IL1RAPL1: variants seen among roughly 807,000 people sequenced by gnomAD.
IL1RAPL1 encodes the protein interleukin 1 receptor accessory protein like 1.
Under a neutral mutation model 48.4 loss-of-function variants are expected in IL1RAPL1, and 3 were observed. The ratio of observed to expected loss-of-function variants is 0.06; its 90% CI spans 0.03 to 0.16. The LOEUF (loss-of-function observed/expected upper bound fraction) is 0.16. IL1RAPL1 is among the 10% of genes least tolerant of loss of function. The pLI is 1.00. For synonymous variants in IL1RAPL1, 185 were observed against 187.7 expected (o/e 0.99, Z 0.12); for missense variants, 349 against 530.6 (o/e 0.66, Z 3.36).
At chrX:28,953,687 A>G (rs753878172) in intron 2 of IL1RAPL1, among the ~76,000 whole-genome samples, 3 of 111,433 alleles carry the variant, frequency 2.7e-5, no homozygotes, top group African/African-American at 6.5e-5. Flanking sequence ...TTGCAAAAAA[A>G]CATGATATCA....
chrX:28,896,983 G>A (rs182167572), intron 2 of IL1RAPL1, among the ~76,000 whole-genome samples: 24 of 110,946 alleles, frequency 2.2e-4, no homozygotes, highest in African/African-American at 6.6e-4. Context: ...GGGGTCAAGC[G>A]GCATTGTAGA....
chrX:29,645,077 A>C (rs1479063160), intron 5 of IL1RAPL1, among the ~76,000 whole-genome samples: 2 of 113,025 alleles, frequency 1.8e-5, no homozygotes, highest in African/African-American at 6.4e-5. Context: ...TATTTTCCCC[A>C]GAGATGAGTG....
At chrX:28,878,687 G>A (rs969727872) in intron 2 of IL1RAPL1, among the ~76,000 whole-genome samples, 5 of 111,846 alleles carry the variant, frequency 4.5e-5, no homozygotes, top group African/African-American at 1.6e-4. Flanking sequence ...AGGAAAGACA[G>A]TAAGCCTCCA....
chrX:28,636,289 T>A (rs1311311027), intron 1 of IL1RAPL1, among the ~76,000 whole-genome samples: 2 of 112,355 alleles, frequency 1.8e-5, no homozygotes, highest in Non-Finnish European at 3.8e-5. Context: ...ATTCATTGAT[T>A]GCCTACTATA....
intron 5 of IL1RAPL1, among the ~76,000 whole-genome samples, chrX:29,435,841 T>A (rs1027522799): frequency 1.2e-4 from 13 of 110,613 alleles, no homozygotes; most frequent in African/African-American, 2.9e-4. Flanking sequence ...AATAGTTTTT[T>A]AAAAATTGTA....
intron 5 of IL1RAPL1, among the ~76,000 whole-genome samples, chrX:29,613,547 A>G (rs1046859423): frequency 1.8e-5 from 2 of 111,115 alleles, no homozygotes; most frequent in Admixed American, 1.9e-4. Flanking sequence ...GACTCTTGCC[A>G]TGAACTATTT....
At chrX:29,300,759 T>C (rs1388697397) in intron 3 of IL1RAPL1, among the ~76,000 whole-genome samples, 2 of 112,320 alleles carry the variant, frequency 1.8e-5, no homozygotes, top group African/African-American at 3.2e-5. Context: ...CAAGGAATTA[T>C]ACTTCTAATG....
intron 5 of IL1RAPL1, among the ~76,000 whole-genome samples, chrX:29,452,899 T>A: frequency 9.5e-6 from 1 of 104,878 alleles, no homozygotes; most frequent in Non-Finnish European, 1.9e-5. Context: ...AGAGTGTTCC[T>A]CTGAGAGTGA....
At chrX:29,566,093 C>T (rs6526883) in intron 5 of IL1RAPL1, among the ~76,000 whole-genome samples, 7,274 of 110,237 alleles carry the variant, frequency 0.066, 488 homozygotes, top group African/African-American at 0.2. Flanking sequence ...GGACTACAGG[C>T]GTCCGCCACC....
At chrX:29,903,780 A>G (rs1190472480) in intron 6 of IL1RAPL1, among the ~76,000 whole-genome samples, 2 of 111,764 alleles carry the variant, frequency 1.8e-5, no homozygotes, top group African/African-American at 6.5e-5. Flanking sequence ...TTTTATGATC[A>G]ATTTTAGCAT....
chrX:29,621,956 G>T (rs770363231), intron 5 of IL1RAPL1, among the ~76,000 whole-genome samples: 1 of 111,729 alleles, frequency 9.0e-6, no homozygotes, highest in Non-Finnish European at 1.9e-5. Flanking sequence ...CAACCAATAT[G>T]CTATCTTCTT....
intron 5 of IL1RAPL1, among the ~76,000 whole-genome samples, chrX:29,624,984 A>G (rs1229693349): frequency 8.9e-6 from 1 of 112,377 alleles, no homozygotes; most frequent in Non-Finnish European, 1.9e-5. Context: ...ACCAGATAGT[A>G]CATATTTTAG....
intron 5 of IL1RAPL1, among the ~76,000 whole-genome samples, chrX:29,445,809 G>T (rs1324596807): frequency 9.0e-6 from 1 of 111,676 alleles, no homozygotes; most frequent in African/African-American, 3.3e-5. Flanking sequence ...TAGGAGCCCT[G>T]AAAAGCTTAT....
intron 6 of IL1RAPL1, among the ~76,000 whole-genome samples, chrX:29,745,635 TG>T (rs1462370503): frequency 9.3e-6 from 1 of 107,722 alleles, no homozygotes; most frequent in African/African-American, 3.4e-5. Context: ...TTAGTAGAGA[TG>T]GGGTTTCACC....
intron 5 of IL1RAPL1, among the ~76,000 whole-genome samples, chrX:29,473,591 G>GC (rs1225263709): frequency 1.8e-5 from 1 of 56,002 alleles, no homozygotes; most frequent in African/African-American, 7.3e-5. Flanking sequence ...TCACTGCCCC[G>GC]CCCCCCACCC....
Position 29,955,460 on chromosome X carries a change from G to C in IL1RAPL1, c.1731G>C (p.Glu577Asp). ...ATGAGCAGGCTTTAGATGTCAGTGA[G>C]CAAGGGCCTTTTGGGGAGCTGCAGA... ...ITHEQALDVS[E>D]QGPFGELQTV... is the part of the protein sequence containing the mutation. The change falls in exon 11 of 11, where the codon GAG becomes GAC. Residue 577 changes from glutamate (E) to aspartate (D), a missense_variant. Around this residue, in one of 3 missense-constraint regions of IL1RAPL1, gnomAD observed 46 missense variants for 113.3 expected, o/e 0.41. Transcript: ENST00000378993. The C allele has an allele frequency of 8.3e-7, 1 of 1,211,533 alleles. No homozygotes were observed. The highest frequency in any genetic ancestry group is 1.1e-6 in the Non-Finnish European group (1 of 895,436).
intron 2 of IL1RAPL1, among the ~76,000 whole-genome samples, chrX:29,034,877 CAG>C (rs889405137): frequency 2.9e-5 from 3 of 105,133 alleles, no homozygotes; most frequent in African/African-American, 7.0e-5. Flanking sequence ...TTTATTGAGA[CAG>C]AGTCTTGCTC....
At chrX:28,889,445 G>A (rs1032109603) in intron 2 of IL1RAPL1, among the ~76,000 whole-genome samples, 4 of 111,587 alleles carry the variant, frequency 3.6e-5, no homozygotes, top group African/African-American at 1.3e-4. Context: ...TTTTAGCACA[G>A]TGTCATTATC....
At chrX:28,862,109 C>A (rs1921961135) in intron 2 of IL1RAPL1, among the ~76,000 whole-genome samples, 1 of 111,834 alleles carries the variant, frequency 8.9e-6, no homozygotes, top group Non-Finnish European at 1.9e-5. Flanking sequence ...TAAAGTGTTA[C>A]AAGCATTTTA....
Sources: gnomAD v4.1 joint callset for allele counts (sites outside exome capture counted in the v4.1 genomes callset) on GRCh38, gnomAD v4.1.1 for gene constraint, gnomAD v4.1.1 regional missense constraint, MANE v1.5 for transcripts, NCBI Gene and HGNC (gene_info 2026-07-23, HGNC 2026-07-21) for gene names.